The following FUT8 variants were observed in gnomAD, a reference collection of about 807,000 sequenced individuals.
FUT8 encodes the protein fucosyltransferase 8, also known as alpha-(1,6)-fucosyltransferase.
Under a neutral mutation model 71.3 loss-of-function variants are expected in FUT8, and 29 were observed. The observed-to-expected ratio is 0.41, with a 90% CI of 0.30 to 0.55. The LOEUF (loss-of-function observed/expected upper bound fraction) is 0.55. Ranked by LOEUF, FUT8 falls within the 20% of genes least tolerant of loss-of-function variation. The probability of loss-of-function intolerance (pLI) is 0.34; values close to 1 mark genes in which losing one functional copy is unlikely to be tolerated. For missense variants in FUT8, 544 were observed against 702.1 expected (o/e 0.77, Z 2.55); for synonymous variants, 254 against 239.3 (o/e 1.06, Z -0.57).
intron 3 of FUT8, among the ~76,000 whole-genome samples, chr14:65,611,301 A>ACACC (rs1434787404): frequency 2.6e-5 from 1 of 38,632 alleles, no homozygotes; most frequent in African/African-American, 1.4e-4. Context: ...ACACACACAC[A>ACACC]CCCCCCAAGT....
rs191652847 is a variant in FUT8, at chr14:65,681,296, A to G, written c.835+11816A>G. Among the ~76,000 whole-genome samples the G allele has an allele frequency of 1.8e-3, 273 of 152,334 alleles. 2 individuals carry two copies. The highest frequency in any genetic ancestry group is 6.4e-3 in the African/African-American group (264 of 41,574). On this transcript the variant is annotated intron_variant, in intron 7 of 10. Coordinates refer to ENST00000673929, the MANE Select transcript of FUT8 (RefSeq NM_001371533.1). ...ATCTCCTTCTGAATCTATCAAATAA[A>G]GAAAATACCACCTTACCTATGTTAT...
At chr14:65,451,316 T>C (rs1014477576) in intron 1 of FUT8, among the ~76,000 whole-genome samples, 7 of 151,918 alleles carry the variant, frequency 4.6e-5, no homozygotes, top group Non-Finnish European at 1.0e-4. Flanking sequence ...CAGGAGGGAG[T>C]GCGCATATGA....
At chr14:65,386,599 T>G in the FUT8 span, among the ~76,000 whole-genome samples, 1 of 151,814 alleles carries the variant, frequency 6.6e-6, no homozygotes. Context: ...CTTCCTCTAC[T>G]TTCTGGAACA....
At chr14:65,622,884 TG>T (rs1889689732) in intron 5 of FUT8, among the ~76,000 whole-genome samples, 1 of 151,020 alleles carries the variant, frequency 6.6e-6, no homozygotes, top group East Asian at 2.0e-4. Flanking sequence ...TCCATCTCTG[TG>T]CTGGCCCTTA....
chr14:65,655,077 A>G (rs1468219270), intron 6 of FUT8, among the ~76,000 whole-genome samples: 3 of 151,940 alleles, frequency 2.0e-5, no homozygotes, highest in African/African-American at 7.3e-5. Flanking sequence ...TGATCCAACT[A>G]TATGCTGTCC....
intron 2 of FUT8, among the ~76,000 whole-genome samples, chr14:65,481,702 G>T (rs2139682553): frequency 6.6e-6 from 1 of 151,980 alleles, no homozygotes; most frequent in Non-Finnish European, 1.5e-5. Flanking sequence ...TTTTTAAAAT[G>T]GAACTTCTAG....
chr14:65,503,513 G>C (rs1159325941), intron 2 of FUT8, among the ~76,000 whole-genome samples: 1 of 152,150 alleles, frequency 6.6e-6, no homozygotes, highest in Non-Finnish European at 1.5e-5. Context: ...TTTGAATAGA[G>C]CCCAAATTTA....
intron 2 of FUT8, among the ~76,000 whole-genome samples, chr14:65,519,802 A>G (rs1594728864): frequency 6.6e-6 from 1 of 152,038 alleles, no homozygotes; most frequent in Non-Finnish European, 1.5e-5. Context: ...TTTTTGAGAC[A>G]GGGTCTTCCT....
chr14:65,440,939 A>G (rs1166348144), intron 1 of FUT8, among the ~76,000 whole-genome samples: 1 of 152,214 alleles, frequency 6.6e-6, no homozygotes, highest in Non-Finnish European at 1.5e-5. Context: ...TTACCTCTGC[A>G]ACAATTTATA....
chr14:65,620,037 G>T (rs1361372655), intron 5 of FUT8, among the ~76,000 whole-genome samples: 1 of 152,160 alleles, frequency 6.6e-6, no homozygotes, highest in East Asian at 1.9e-4. Context: ...GCAGAGACAT[G>T]TTTAACTTAA....
At chr14:65,560,740 C>T (rs1023165608) in intron 2 of FUT8, among the ~76,000 whole-genome samples, 11 of 152,236 alleles carry the variant, frequency 7.2e-5, no homozygotes, top group African/African-American at 2.4e-4. Context: ...TGAACCTTTG[C>T]TTCTGATATT....
rs1889960519 is a variant in FUT8 at position 65,627,506 on chromosome 14, A to T, written c.483-1986A>T. ...TGTCTGACCATTGACTTGGGCCTGT[A>T]TATATTGCTATGGTTCCGGGGTTTG... On this transcript the variant is annotated intron_variant, in intron 5 of 10. Coordinates refer to ENST00000673929, the MANE Select transcript of FUT8 (RefSeq NM_001371533.1). This position sits in a 1 kb window ranked among gnomAD's most constrained non-coding sequence, Gnocchi z 4.0. 6.6e-6 allele frequency among the ~76,000 whole-genome samples: 1 copy of T among 152,190 alleles called. No individual in the cohort carries two copies. Among genetic ancestry groups the T allele is most frequent in the Non-Finnish European group, 1.5e-5 (1 of 68,028 alleles).
At chr14:65,471,967 T>C (rs948064112) in intron 2 of FUT8, among the ~76,000 whole-genome samples, 1 of 152,230 alleles carries the variant, frequency 6.6e-6, no homozygotes, top group Non-Finnish European at 1.5e-5. Flanking sequence ...TAATATATTC[T>C]AATTTGCAAG....
At chr14:65,688,581 C>G (rs1201910060) in intron 7 of FUT8, among the ~76,000 whole-genome samples, 1 of 147,276 alleles carries the variant, frequency 6.8e-6, no homozygotes. Context: ...GACCTTATAC[C>G]TTTCACAAAA....
intron 2 of FUT8, among the ~76,000 whole-genome samples, chr14:65,517,236 T>C (rs1882771801): frequency 6.6e-6 from 1 of 152,140 alleles, no homozygotes; most frequent in African/African-American, 2.4e-5. Context: ...TAACAGAAAT[T>C]TGTTAGTTTA....
chr14:65,628,927 T>C (rs148472693), intron 5 of FUT8, among the ~76,000 whole-genome samples: 1,589 of 152,336 alleles, frequency 0.01, 29 homozygotes, highest in African/African-American at 0.037. Context: ...AGCTTTCTGC[T>C]ACAAAGGCAA....
At chr14:65,475,983 G>T (rs551332800) in intron 2 of FUT8, among the ~76,000 whole-genome samples, 1 of 152,200 alleles carries the variant, frequency 6.6e-6, no homozygotes, top group South Asian at 2.1e-4. Flanking sequence ...TGCTTAATGG[G>T]TGCCTTTTAG....
At chr14:65,674,882 G>A (rs1352518090) in intron 7 of FUT8, among the ~76,000 whole-genome samples, 1 of 152,194 alleles carries the variant, frequency 6.6e-6, no homozygotes, top group Non-Finnish European at 1.5e-5. Context: ...CAAGATTCTA[G>A]TAGGTTTCTC....
chr14:65,673,859 A>G (rs2140384384), intron 7 of FUT8, among the ~76,000 whole-genome samples: 1 of 152,280 alleles, frequency 6.6e-6, no homozygotes, highest in East Asian at 1.9e-4. Flanking sequence ...CTTTTTTGTT[A>G]TCTCATAACT....
Sources: gnomAD v4.1 joint callset for allele counts (sites outside exome capture counted in the v4.1 genomes callset) on GRCh38, gnomAD v4.1.1 for gene constraint, Gnocchi (gnomAD v3.1) non-coding constraint, MANE v1.5 for transcripts, NCBI Gene and HGNC (gene_info 2026-07-23, HGNC 2026-07-21) for gene names.